Variants in PCDHA6 observed in about 807,000 individuals in gnomAD.
PCDHA6 encodes protocadherin alpha 6.
PCDHA6 carries 55 observed loss-of-function variants against 60.3 expected under a neutral mutation model. That is an observed-to-expected ratio of 0.91 (90% CI 0.73 to 1.14). The LOEUF is 1.14. PCDHA6 is among the 50% of genes most tolerant of loss of function. The pLI, the probability that PCDHA6 is intolerant of heterozygous loss-of-function variation, is 0.00. For missense variants in PCDHA6, 1,327 were observed against 1,256.5 expected, an observed-to-expected ratio of 1.06 and a Z score of -0.85; for synonymous variants, 652 against 557.9, an observed-to-expected ratio of 1.17 and a Z score of -2.38.
intron 1 of PCDHA6, chr5:140,856,703 C>A (rs1413055800): frequency 1.9e-6 from 3 of 1,596,568 alleles, no homozygotes; most frequent in Admixed American, 1.7e-5. Context: ...TGGAGGCAAA[C>A]CTGAATTTAC....
rs146613275 is a variant in PCDHA6, at chr5:140,871,400, C to G, written c.2394+40915C>G. ...TGCTCTGAGGAGGGCCCACCTAAGA[C>G]GGACCTCATGGCCTTCAGCCCCAGT... On this transcript the variant is annotated intron_variant, in intron 1 of 3. Transcript: ENST00000529310. The G allele has an allele frequency of 1.8e-4, 284 of 1,614,130 alleles. 1 individual carries two copies. The African/African-American group carries it at 2.8e-3, about 16-fold the overall frequency.
At chr5:140,868,451 C>T (rs917526467) in intron 1 of PCDHA6, 1 of 152,302 alleles carries the variant, frequency 6.6e-6, no homozygotes, top group African/African-American at 2.4e-5. Flanking sequence ...AACATAAACA[C>T]TAAAGAGCTG....
chr5:140,997,384 A>T (rs2097769179), intron 3 of PCDHA6, among the ~76,000 whole-genome samples: 1 of 152,198 alleles, frequency 6.6e-6, no homozygotes, highest in South Asian at 2.1e-4. Context: ...AGCATACTAC[A>T]CACTTAGGCT....
At chr5:140,876,141 AG>A in intron 1 of PCDHA6, 1 of 1,613,984 alleles carries the variant, frequency 6.2e-7, no homozygotes, top group Non-Finnish European at 8.5e-7. Context: ...CAGAACTAAC[AG>A]GGTCTGTCCA....
rs782520879 is a variant in PCDHA6, at chr5:141,009,808, T to A, written c.2724T>A (p.Ile908=). Residue 908 remains isoleucine (I), a synonymous_variant, in exon 4 of 4, where the codon ATT becomes ATA. Transcript: ENST00000529310. ...GGCAGGAGCCTACTAACAGCCAAAT[T>A]GACAAAAGTGACTTCATAACCTTCG... The part of the protein sequence containing the change: ...SIRQEPTNSQ[I]DKSDFITFGK... The A allele has an allele frequency of 1.2e-6, 2 of 1,613,832 alleles. No homozygotes were observed. The highest frequency in any genetic ancestry group is 2.2e-5 in the South Asian group (2 of 91,042).
At chr5:141,004,030 C>T (rs1337271425) in intron 3 of PCDHA6, among the ~76,000 whole-genome samples, 1 of 152,204 alleles carries the variant, frequency 6.6e-6, no homozygotes, top group Non-Finnish European at 1.5e-5. Flanking sequence ...GAAACATTTC[C>T]TTGATTGATC....
Position 140,876,461 on chromosome 5 carries a change from T to C in PCDHA6, c.2394+45976T>C, listed in dbSNP as rs782233071. 28 of 1,613,936 alleles carry C rather than the reference T, an allele frequency of 1.7e-5. No homozygotes were observed. In the East Asian group the frequency reaches 5.8e-4, roughly 33 times the overall value. ...GCCATTGATAAAGGGATTCCTTCCA[T>C]GGCAGGTCACAGCATGGTCCTGGTG... On this transcript the variant is annotated intron_variant, in intron 1 of 3. Coordinates refer to ENST00000529310, the MANE Select transcript of PCDHA6 (RefSeq NM_018909.4).
intron 1 of PCDHA6, among the ~76,000 whole-genome samples, chr5:140,918,552 A>G (rs1554198667): frequency 6.6e-6 from 1 of 152,206 alleles, no homozygotes; most frequent in Admixed American, 6.5e-5. Context: ...TGTGCAATTG[A>G]GAAGAATGTA....
intron 1 of PCDHA6, chr5:140,853,993 T>A (rs2042933293): frequency 8.2e-6 from 4 of 486,194 alleles, no homozygotes; most frequent in Admixed American, 6.7e-5. Context: ...GTGAGACTCA[T>A]CTCTGCCAAA....
At chr5:140,909,870 C>T (rs2074741279) in intron 1 of PCDHA6, among the ~76,000 whole-genome samples, 1 of 152,206 alleles carries the variant, frequency 6.6e-6, no homozygotes. Context: ...GAGTCAACGT[C>T]AGCTTAGAGA....
In PCDHA6 at chr5:140,991,838, G is replaced by A. The variant is rs1056330823; in HGVS notation, c.2542+9275G>A. 3.3e-5 allele frequency among the ~76,000 whole-genome samples: 5 copies of A among 152,110 alleles called. No homozygotes were observed. In the East Asian group the frequency reaches 9.6e-4, roughly 29 times the overall value. ...TTTAGGCATTTATAACGGCAGAACC[G>A]CACTTCCAGATACCAAAATCTGTAT... On this transcript the variant is annotated intron_variant, in intron 3 of 3. Transcript: ENST00000529310.
At chr5:140,870,154 G>A (rs1243170344) in intron 1 of PCDHA6, 2 of 1,614,130 alleles carry the variant, frequency 1.2e-6, no homozygotes, top group Non-Finnish European at 8.5e-7. Context: ...TGAAGTCGCC[G>A]TGACTTCCTT....
At chr5:140,869,682 A>AGG in intron 1 of PCDHA6, 3 of 1,613,466 alleles carry the variant, frequency 1.9e-6, no homozygotes, top group Non-Finnish European at 2.5e-6. Context: ...AAAGACTGTC[A>AGG]CTTATTTTAA....
chr5:140,851,986 C>T, intron 1 of PCDHA6: 1 of 976,230 alleles, frequency 1.0e-6, no homozygotes, highest in Non-Finnish European at 1.2e-6. Context: ...TTAGTGCAAG[C>T]TATTTGTTTG....
intron 1 of PCDHA6, among the ~76,000 whole-genome samples, chr5:140,972,811 G>A (rs1458279738): frequency 2.6e-5 from 4 of 151,876 alleles, no homozygotes; most frequent in African/African-American, 4.8e-5. Flanking sequence ...TTACAGGCAC[G>A]CGCCACCACG....
intron 1 of PCDHA6, among the ~76,000 whole-genome samples, chr5:140,920,608 G>A (rs2153558027): frequency 6.6e-6 from 1 of 152,286 alleles, no homozygotes; most frequent in Non-Finnish European, 1.5e-5. Flanking sequence ...CACTTTGGGA[G>A]GCCGAGGCGG....
intron 1 of PCDHA6, among the ~76,000 whole-genome samples, chr5:140,932,302 G>A (rs565143074): frequency 6.6e-6 from 1 of 151,800 alleles, no homozygotes; most frequent in African/African-American, 2.4e-5. Context: ...AATTTTTAAA[G>A]GTATAAATAT....
chr5:140,830,264 G>A lies in PCDHA6; in HGVS notation c.2173G>A (p.Ala725Thr), dbSNP rs748242537. 6.2e-7 allele frequency: 1 copy of A among 1,613,678 alleles called. No individual in the cohort carries two copies. Among genetic ancestry groups the A allele is most frequent in the Non-Finnish European group, 8.5e-7 (1 of 1,179,692 alleles). ...LLLYTALRCS[A>T]PPTEGACTAD... is the part of the protein sequence containing the mutation. ...GCTGTACACAGCGCTGCGGTGCTCG[G>A]CGCCACCCACCGAGGGCGCGTGCAC... is the stretch of plus-strand genomic sequence containing the variant. Residue 725 changes from alanine to threonine, a missense_variant, in exon 1 of 4, where the codon GCG becomes ACG. Ala to Thr is a moderately conservative substitution (Grantham distance 58, BLOSUM62 0). Transcript: ENST00000529310.
rs1382247797 is a variant in PCDHA6 at position 141,012,282 on chromosome 5, C to T, written c.*2345C>T. 2.6e-5 allele frequency: 4 copies of T among 153,718 alleles called. No individual in the cohort carries two copies. Among genetic ancestry groups the T allele is most frequent in the Non-Finnish European group, 4.4e-5 (3 of 68,036 alleles). 9.5% of individuals were successfully genotyped at this position (153,718 alleles called of 1,614,324 possible). Reference sequence around the variant, plus strand: ...AAGGATAAAACACGTCATGTGGATTCATTTTGAATTGGTGCTATTGGTATT... The same window carrying T: ...AAGGATAAAACACGTCATGTGGATTTATTTTGAATTGGTGCTATTGGTATT... On this transcript the variant is annotated 3_prime_UTR_variant, in exon 4 of 4. Coordinates refer to ENST00000529310, the MANE Select transcript of PCDHA6 (RefSeq NM_018909.4).
Sources: gnomAD v4.1 joint callset for allele counts (sites outside exome capture counted in the v4.1 genomes callset) on GRCh38, gnomAD v4.1.1 for gene constraint, MANE v1.5 for transcripts, NCBI Gene and HGNC (gene_info 2026-07-23, HGNC 2026-07-21) for gene names.